Variants in SRRM1 observed in about 807,000 individuals in gnomAD.
SRRM1 encodes serine/arginine repetitive matrix protein 1.
SRRM1 carries 19 observed loss-of-function variants against 110.2 expected under a neutral mutation model. That is an observed-to-expected ratio of 0.17 (90% CI 0.12 to 0.25). The LOEUF is 0.25. Among genes scored for constraint, SRRM1 ranks in the 10% least tolerant of loss-of-function variants. The pLI is 1.00. For synonymous variants in SRRM1, 443 were observed against 414.9 expected (o/e 1.07, Z -0.82); for missense variants, 918 against 1,145.8 (o/e 0.80, Z 2.87).
At chr1:24,659,779 T>C (rs1322340085) in intron 9 of SRRM1, among the ~76,000 whole-genome samples, 1 of 152,192 alleles carries the variant, frequency 6.6e-6, no homozygotes, top group African/African-American at 2.4e-5. Flanking sequence ...TACAGCAGGC[T>C]TACAAAAGGT....
chr1:24,645,577 C>G (rs1656987433), intron 1 of SRRM1, among the ~76,000 whole-genome samples: 1 of 152,126 alleles, frequency 6.6e-6, no homozygotes, highest in Non-Finnish European at 1.5e-5. Flanking sequence ...TGCATTGCCA[C>G]AGTAGTTTTG....
At chr1:24,655,525 T>C (rs1392292137) in intron 9 of SRRM1, among the ~76,000 whole-genome samples, 3 of 152,216 alleles carry the variant, frequency 2.0e-5, no homozygotes, top group African/African-American at 4.8e-5. Context: ...TATTCTCTTT[T>C]AGTTCTTTCT....
At chr1:24,663,736 G>T (rs1457755864) in intron 12 of SRRM1, among the ~76,000 whole-genome samples, 1 of 151,826 alleles carries the variant, frequency 6.6e-6, no homozygotes, top group Non-Finnish European at 1.5e-5. Flanking sequence ...AATTAGCTGG[G>T]AGTGTTGGCG....
intron 4 of SRRM1, 144 bp downstream of exon 4, chr1:24,649,173 T>A: frequency 1.6e-6 from 1 of 638,594 alleles, no homozygotes; most frequent in South Asian, 2.4e-5. Flanking sequence ...TTTGGTTCAC[T>A]GCTCCTCCCT....
At position 24,670,108 on chromosome 1, in the gene SRRM1, CT is replaced by C; in HGVS notation, c.2205-7del. 1 of 1,541,822 alleles carries C rather than the reference CT, an allele frequency of 6.5e-7. No homozygotes were observed. Among genetic ancestry groups the C allele is most frequent in the Admixed American group, 2.2e-5 (1 of 46,022 alleles). ...TGTTCTCAATGCTGAATGTTTTTTC[CT>C]TTTTGTCTAGGGCTGCTTCCCCAAG... On this transcript the variant is annotated splice_polypyrimidine_tract_variant and intron_variant, in intron 14 of 16. Transcript: ENST00000323848.
intron 1 of SRRM1, 138 bp downstream of exon 1, chr1:24,643,485 C>A (rs1352187312): frequency 1.5e-5 from 4 of 264,794 alleles, no homozygotes; most frequent in Admixed American, 1.5e-4. Context: ...CCGGCGCACC[C>A]CCCCCCCCCC....
In SRRM1 at chr1:24,643,323, C is replaced by G. The variant is rs753828282; in HGVS notation, c.-4C>G. On this transcript the variant is annotated 5_prime_UTR_variant, in exon 1 of 17. Coordinates refer to ENST00000323848, the MANE Select transcript of SRRM1 (RefSeq NM_005839.4). ...AGGGAGCGATCTCCGAGCGAGGCGG[C>G]AAGATGGACGCGGGATTTTTCCGCG... 6.4e-7 allele frequency: 1 copy of G among 1,559,836 alleles called. No individual in the cohort carries two copies. The highest frequency in any genetic ancestry group is 1.2e-5 in the South Asian group (1 of 85,558).
chr1:24,669,449 G>C lies in SRRM1; in HGVS notation c.2066G>C (p.Arg689Pro). 1 of 1,614,008 alleles carries C rather than the reference G, an allele frequency of 6.2e-7. No individual in the cohort carries two copies. The highest frequency in any genetic ancestry group is 8.5e-7 in the Non-Finnish European group (1 of 1,179,982). Residue 689 changes from arginine to proline, a missense_variant, in exon 14 of 17, where the codon CGA becomes CCA. By Grantham distance (103) the Arg-to-Pro change is moderately radical. Coordinates refer to ENST00000323848, the MANE Select transcript of SRRM1 (RefSeq NM_005839.4). Reference protein sequence around the residue: ...NKRHSPSPRPRAPQTSSSPPP... With the variant: ...NKRHSPSPRPPAPQTSSSPPP... The stretch of plus-strand genomic sequence containing the variant: ...CGGCATTCGCCCTCACCACGGCCTC[G>C]AGCTCCTCAGACCTCCTCAAGTCCT...
rs1357368981 is a variant in SRRM1 at position 24,669,686 on chromosome 1, A to G, written c.2204+99A>G. On this transcript the variant is annotated intron_variant, in intron 14 of 16. Transcript: ENST00000323848. ...CATATAAAAGGAATAAGTTATGAATATGAGCTTTTAAGTCAAACTTGAGGT... is the reference window on the plus strand; with the variant it reads ...CATATAAAAGGAATAAGTTATGAATGTGAGCTTTTAAGTCAAACTTGAGGT... The G allele has an allele frequency of 4.1e-6, 4 of 966,318 alleles. No individual in the cohort carries two copies. In the African/African-American group the frequency reaches 6.6e-5, roughly 16 times the overall value. 59.9% of individuals were successfully genotyped at this position (966,318 alleles called of 1,614,324 possible).
chr1:24,649,166 G>A (rs1164392610), intron 4 of SRRM1, 137 bp downstream of exon 4: 46 of 676,166 alleles, frequency 6.8e-5, no homozygotes, highest in Middle Eastern at 4.0e-4. Context: ...ATTCAGTTTT[G>A]GTTCACTGCT....
intron 16 of SRRM1, 110 bp downstream of exon 16, chr1:24,671,705 C>G: frequency 1.0e-6 from 1 of 979,436 alleles, no homozygotes. Context: ...GCCAGTTACT[C>G]TGAGATAAAA....
chr1:24,648,830 GTT>G (rs1557656789), intron 3 of SRRM1, 27 bp from the exon 4 acceptor site: 1 of 1,602,682 alleles, frequency 6.2e-7, no homozygotes, highest in Admixed American at 1.8e-5. Flanking sequence ...GAAGTAACCT[GTT>G]TTTCTTCCTG....
chr1:24,663,661 G>A (rs1005756425), intron 12 of SRRM1, among the ~76,000 whole-genome samples: 1 of 151,992 alleles, frequency 6.6e-6, no homozygotes, highest in Non-Finnish European at 1.5e-5. Context: ...AGAGGATCAC[G>A]AGGTCAGGAG....
intron 10 of SRRM1, 32 bp from the exon 11 acceptor site, chr1:24,661,278 A>G (rs747497903): frequency 6.4e-7 from 1 of 1,570,252 alleles, no homozygotes; most frequent in East Asian, 2.2e-5. Context: ...GCTTAACTAA[A>G]GAAACACTTT....
intron 1 of SRRM1, 120 bp downstream of exon 1, chr1:24,643,467 T>G: frequency 7.6e-5 from 37 of 486,852 alleles, no homozygotes; most frequent in Non-Finnish European, 1.0e-4. Flanking sequence ...TAAGGATTCC[T>G]CCTAGAGCCG....
intron 6 of SRRM1, 33 bp from the exon 7 acceptor site, chr1:24,652,401 C>CAA (rs60568839): frequency 2.8e-4 from 307 of 1,084,608 alleles, no homozygotes; most frequent in Middle Eastern, 9.9e-4. Context: ...TACAAGAAGG[C>CAA]AAAAAAAAAA....
At chr1:24,665,700 G>A (rs1241604913) in intron 12 of SRRM1, among the ~76,000 whole-genome samples, 8 of 152,142 alleles carry the variant, frequency 5.3e-5, no homozygotes, top group African/African-American at 9.7e-5. Flanking sequence ...GCAACAGAGC[G>A]AGACTCTGTC....
chr1:24,645,459 G>A (rs1382137833), intron 1 of SRRM1, among the ~76,000 whole-genome samples: 1 of 152,168 alleles, frequency 6.6e-6, no homozygotes. Context: ...CTGAAATTGA[G>A]TTTATTTAGG....
At chr1:24,649,815 C>T (rs113800656) in intron 4 of SRRM1, among the ~76,000 whole-genome samples, 156 bp from the exon 5 acceptor site, 116 of 152,048 alleles carry the variant, frequency 7.6e-4, no homozygotes, top group African/African-American at 2.7e-3. Context: ...AGTCTTAATG[C>T]GTATCTGTAG....
Sources: allele counts gnomAD v4.1 joint callset (sites outside exome capture counted in the v4.1 genomes callset), GRCh38; gene constraint gnomAD v4.1.1; transcripts MANE v1.5; gene names NCBI Gene and HGNC (gene_info 2026-07-23, HGNC 2026-07-21).